The following DIAPH2 variants were observed in gnomAD, a reference collection of about 807,000 sequenced individuals.
DIAPH2 encodes protein diaphanous homolog 2.
A neutral mutation model predicts 92.7 loss-of-function variants in DIAPH2; 35 were observed. That is an observed-to-expected ratio of 0.38 (90% CI 0.29 to 0.50). DIAPH2 has a LOEUF of 0.50. Ranked by LOEUF, DIAPH2 falls within the 20% of genes least tolerant of loss-of-function variation. The pLI, the probability that DIAPH2 is intolerant of heterozygous loss-of-function variation, is 0.94. For synonymous variants in DIAPH2, 301 were observed against 280.4 expected, an observed-to-expected ratio of 1.07 and a Z score of -0.73; for missense variants, 701 against 819.5, an observed-to-expected ratio of 0.86 and a Z score of 1.77.
At chrX:96,812,330 G>T (rs775614209) in intron 4 of DIAPH2, among the ~76,000 whole-genome samples, 1 of 112,059 alleles carries the variant, frequency 8.9e-6, no homozygotes, top group South Asian at 3.7e-4. Context: ...AGTATTCTCT[G>T]ATTATAGTTT....
intron 1 of DIAPH2, among the ~76,000 whole-genome samples, chrX:96,716,551 G>A (rs1193912483): frequency 2.7e-5 from 3 of 111,364 alleles, no homozygotes; most frequent in Non-Finnish European, 5.7e-5. Flanking sequence ...TAAACTTTGC[G>A]TATGTGAAAA....
chrX:97,040,310 A>G (rs951517581), intron 17 of DIAPH2, among the ~76,000 whole-genome samples: 6 of 110,067 alleles, frequency 5.5e-5, no homozygotes. Context: ...TTGCCTAGCC[A>G]TCATTTCTCA....
intron 5 of DIAPH2, among the ~76,000 whole-genome samples, chrX:96,904,740 A>G (rs1359120197): frequency 1.8e-5 from 2 of 111,265 alleles, no homozygotes; most frequent in Non-Finnish European, 3.8e-5. Flanking sequence ...AGTGTATGCA[A>G]CTAAAATTTG....
At position 97,243,511 on chromosome X, in the gene DIAPH2, A is replaced by G. The variant is rs12010999; in HGVS notation, c.2720-4204A>G. Reference sequence around the variant, plus strand: ...TCCCCCATGCAAAGATAAACACTTTACATAATGGCATTGTTTAATGCAGCC... The same window carrying G: ...TCCCCCATGCAAAGATAAACACTTTGCATAATGGCATTGTTTAATGCAGCC... On this transcript the variant is annotated intron_variant, in intron 22 of 26. Transcript: ENST00000324765. 8.2e-3 allele frequency among the ~76,000 whole-genome samples: 921 copies of G among 111,687 alleles called. 9 individuals carry two copies. The highest frequency in any genetic ancestry group is 0.027 in the African/African-American group (824 of 30,762).
intron 5 of DIAPH2, among the ~76,000 whole-genome samples, chrX:96,908,903 A>G (rs760158306): frequency 3.6e-5 from 4 of 111,577 alleles, no homozygotes; most frequent in Admixed American, 1.9e-4. Context: ...CCGGCCCTCA[A>G]CTGGATTCCT....
chrX:97,135,518 T>G (rs2067164680), intron 21 of DIAPH2, among the ~76,000 whole-genome samples: 1 of 111,141 alleles, frequency 9.0e-6, no homozygotes, highest in South Asian at 3.8e-4. Flanking sequence ...GGCCTAGAAT[T>G]TATTAATTCT....
At chrX:96,980,835 G>A (rs2065991630) in intron 17 of DIAPH2, among the ~76,000 whole-genome samples, 1 of 109,064 alleles carries the variant, frequency 9.2e-6, no homozygotes, top group Admixed American at 9.9e-5. Context: ...CCGTGATTTA[G>A]TAATTCACTC....
chrX:97,299,908 C>G (rs892223739), intron 23 of DIAPH2, among the ~76,000 whole-genome samples: 1 of 111,756 alleles, frequency 8.9e-6, no homozygotes, highest in African/African-American at 3.2e-5. Flanking sequence ...AAATTGTACT[C>G]CAGTTGAAAA....
chrX:96,713,092 T>C (rs1011155183), intron 1 of DIAPH2, among the ~76,000 whole-genome samples: 3 of 111,670 alleles, frequency 2.7e-5, no homozygotes, highest in Admixed American at 1.9e-4. Context: ...ACAAGGCACG[T>C]ACTAGTACAT....
intron 21 of DIAPH2, among the ~76,000 whole-genome samples, chrX:97,127,073 C>A (rs2067098843): frequency 8.9e-6 from 1 of 112,149 alleles, no homozygotes; most frequent in African/African-American, 3.2e-5. Context: ...TGGATAAAAT[C>A]AATACCTGTT....
chrX:97,507,034 C>T (rs1171850714), intron 26 of DIAPH2, among the ~76,000 whole-genome samples: 1 of 107,763 alleles, frequency 9.3e-6, no homozygotes, highest in Non-Finnish European at 1.9e-5. Flanking sequence ...CAGCAGACAC[C>T]ATATGTGGCC....
At chrX:96,774,475 G>A (rs1214783697) in intron 4 of DIAPH2, among the ~76,000 whole-genome samples, 1 of 111,884 alleles carries the variant, frequency 8.9e-6, no homozygotes, top group African/African-American at 3.2e-5. Flanking sequence ...CTGTGCACGT[G>A]TTGCTCAATG....
At chrX:97,225,973 C>T (rs2067961901) in intron 22 of DIAPH2, among the ~76,000 whole-genome samples, 1 of 111,593 alleles carries the variant, frequency 9.0e-6, no homozygotes, top group South Asian at 3.8e-4. Flanking sequence ...AAATATTACA[C>T]AGCTGCTCTA....
chrX:96,781,103 G>A (rs746164782), intron 4 of DIAPH2, among the ~76,000 whole-genome samples: 6 of 111,238 alleles, frequency 5.4e-5, no homozygotes, highest in East Asian at 2.8e-4. Flanking sequence ...CCACCGTGCC[G>A]GGCCTCTGAT....
At chrX:97,489,509 C>T (rs1429392814) in intron 26 of DIAPH2, among the ~76,000 whole-genome samples, 8 of 110,674 alleles carry the variant, frequency 7.2e-5, no homozygotes. Flanking sequence ...GCATTCTTTC[C>T]ATTTCCTGAT....
chrX:97,373,741 G>A (rs149832182), intron 24 of DIAPH2, among the ~76,000 whole-genome samples: 1,790 of 107,762 alleles, frequency 0.017, 44 homozygotes, highest in African/African-American at 0.058. Flanking sequence ...CGAACAGCTG[G>A]GATTACAGGC....
At chrX:97,421,681 A>G (rs1176623211) in intron 25 of DIAPH2, among the ~76,000 whole-genome samples, 1 of 112,044 alleles carries the variant, frequency 8.9e-6, no homozygotes, top group Non-Finnish European at 1.9e-5. Context: ...TGTATTTGTC[A>G]TATAATTGAT....
chrX:97,073,415 T>G (rs754991679), intron 18 of DIAPH2, among the ~76,000 whole-genome samples: 9 of 112,172 alleles, frequency 8.0e-5, no homozygotes, highest in African/African-American at 2.6e-4. Flanking sequence ...GGAAAAATCC[T>G]TCTACTGCTA....
At chrX:97,392,996 A>G (rs1423752128) in intron 25 of DIAPH2, among the ~76,000 whole-genome samples, 1 of 111,487 alleles carries the variant, frequency 9.0e-6, no homozygotes, top group Non-Finnish European at 1.9e-5. Context: ...CCGGGCTGTG[A>G]AAGAGCCTTC....
Sources: allele counts gnomAD v4.1 joint callset (sites outside exome capture counted in the v4.1 genomes callset), GRCh38; gene constraint gnomAD v4.1.1; transcripts MANE v1.5; gene names NCBI Gene and HGNC (gene_info 2026-07-23, HGNC 2026-07-21).